Variants in AFAP1 observed in about 807,000 individuals in gnomAD.
AFAP1 encodes the protein actin filament-associated protein 1.
AFAP1 carries 75 observed loss-of-function variants against 93.9 expected under a neutral mutation model. The ratio of observed to expected loss-of-function variants is 0.80; its 90% CI spans 0.66 to 0.97. AFAP1 has a LOEUF of 0.97. Among genes scored for constraint, AFAP1 ranks in the 50% least tolerant of loss-of-function variants. The pLI is 0.00. For missense variants in AFAP1, 1,201 were observed against 1,050.8 expected (o/e 1.14, Z -1.98); for synonymous variants, 517 against 430.7 (o/e 1.20, Z -2.48).
chr4:7,919,319 C>T (rs1720306082), intron 1 of AFAP1, among the ~76,000 whole-genome samples: 1 of 152,216 alleles, frequency 6.6e-6, no homozygotes, highest in Non-Finnish European at 1.5e-5. Context: ...CGCATCACTG[C>T]AACACAGAGC....
intron 6 of AFAP1, among the ~76,000 whole-genome samples, chr4:7,824,843 T>C (rs1057214985): frequency 2.6e-5 from 4 of 152,080 alleles, no homozygotes; most frequent in African/African-American, 9.7e-5. Context: ...AAGGGTACAG[T>C]GTACATTATT....
At chr4:7,798,089 TG>T (rs1718617411) in intron 10 of AFAP1, among the ~76,000 whole-genome samples, 1 of 99,324 alleles carries the variant, frequency 1.0e-5, no homozygotes, top group South Asian at 3.2e-4. Flanking sequence ...CTCTATTGGC[TG>T]GCTCACGGCA....
intron 5 of AFAP1, among the ~76,000 whole-genome samples, chr4:7,841,937 C>T (rs1192989505): frequency 2.0e-5 from 3 of 152,060 alleles, no homozygotes; most frequent in African/African-American, 7.2e-5. Context: ...GGACTCAGAA[C>T]CCCAAACTGC....
At chr4:7,784,871 G>A (rs79075612) in intron 12 of AFAP1, among the ~76,000 whole-genome samples, 1 of 152,314 alleles carries the variant, frequency 6.6e-6, no homozygotes, top group East Asian at 1.9e-4. Context: ...AATTTACGAT[G>A]CCAGGGCTGA....
chr4:7,854,567 T>C (rs537836477), intron 4 of AFAP1, among the ~76,000 whole-genome samples: 1 of 152,308 alleles, frequency 6.6e-6, no homozygotes, highest in Admixed American at 6.5e-5. Context: ...AAAGTCTCTA[T>C]GTGGCAGGTA....
chr4:7,838,753 A>C (rs758900702), intron 5 of AFAP1, 50 bp from the exon 6 acceptor site: 29 of 1,589,228 alleles, frequency 1.8e-5, no homozygotes, highest in Non-Finnish European at 2.4e-5. Context: ...GTTCGAACAG[A>C]AACACTGAGG....
At chr4:7,909,439 C>T (rs533597988) in intron 1 of AFAP1, among the ~76,000 whole-genome samples, 4 of 152,292 alleles carry the variant, frequency 2.6e-5, no homozygotes, top group Admixed American at 1.3e-4. Context: ...TACCCAAAAT[C>T]GTTTCCTGCC....
At chr4:7,810,801 G>A (rs1397391808) in intron 8 of AFAP1, among the ~76,000 whole-genome samples, 1 of 152,192 alleles carries the variant, frequency 6.6e-6, no homozygotes, top group Non-Finnish European at 1.5e-5. Context: ...GGGCCGGTGA[G>A]GGACAACACG....
chr4:7,777,240 A>C (rs1000598152), intron 14 of AFAP1: 3 of 152,234 alleles, frequency 2.0e-5, no homozygotes, highest in Non-Finnish European at 4.4e-5. Flanking sequence ...CATTCAGGAA[A>C]TAAGATTTGC....
chr4:7,934,120 T>C (rs1721250971), intron 1 of AFAP1, among the ~76,000 whole-genome samples: 1 of 152,190 alleles, frequency 6.6e-6, no homozygotes, highest in Non-Finnish European at 1.5e-5. Flanking sequence ...ACAGAACAGA[T>C]ACAGTGAATT....
chr4:7,874,530 ATTTTTTTTTTTT>A (rs71175435), intron 1 of AFAP1, among the ~76,000 whole-genome samples: 26 of 51,508 alleles, frequency 5.0e-4, no homozygotes, highest in African/African-American at 7.7e-4. Flanking sequence ...TGCCCAGCTA[ATTTTTTTTTTTT>A]TTTTTTTTTT....
At chr4:7,821,438 G>A (rs973510473) in intron 6 of AFAP1, among the ~76,000 whole-genome samples, 2 of 152,146 alleles carry the variant, frequency 1.3e-5, no homozygotes, top group South Asian at 2.1e-4. Context: ...ACAGGATTCC[G>A]TGCACGAGGG....
At chr4:7,833,034 T>G (rs965291118) in intron 6 of AFAP1, among the ~76,000 whole-genome samples, 1 of 152,184 alleles carries the variant, frequency 6.6e-6, no homozygotes, top group Non-Finnish European at 1.5e-5. Context: ...ACCTAAGACC[T>G]GAAACTATAA....
At position 7,792,662 on chromosome 4, in the gene AFAP1, C is replaced by T. The variant is rs10008660; in HGVS notation, c.1412+1019G>A. On this transcript the variant is annotated intron_variant, in intron 11 of 17. Coordinates refer to ENST00000420658, the MANE Select transcript of AFAP1 (RefSeq NM_001134647.2). Reference sequence around the variant, plus strand: ...CTCACTTGTCTGAGCTGTTCCTCAACAGGACCACTGTCATTGGACACACCT... The same window carrying T: ...CTCACTTGTCTGAGCTGTTCCTCAATAGGACCACTGTCATTGGACACACCT... Among the ~76,000 whole-genome samples the T allele has an allele frequency of 2.8e-3, 433 of 152,270 alleles. 2 individuals are homozygous for T. Among genetic ancestry groups the T allele is most frequent in the African/African-American group, 8.3e-3 (344 of 41,548 alleles).
intron 3 of AFAP1, among the ~76,000 whole-genome samples, chr4:7,855,993 A>T (rs1423875226): frequency 6.6e-6 from 1 of 151,990 alleles, no homozygotes; most frequent in Non-Finnish European, 1.5e-5. Flanking sequence ...AGACTCTGGG[A>T]CTCCATGGCC....
intron 6 of AFAP1, among the ~76,000 whole-genome samples, chr4:7,820,057 A>G (rs1307193474): frequency 6.6e-6 from 1 of 152,238 alleles, no homozygotes; most frequent in Non-Finnish European, 1.5e-5. Context: ...ACGAAAAAGC[A>G]TAGGGAAATC....
At chr4:7,852,875 A>C (rs534562063) in intron 4 of AFAP1, among the ~76,000 whole-genome samples, 1 of 152,242 alleles carries the variant, frequency 6.6e-6, no homozygotes, top group African/African-American at 2.4e-5. Flanking sequence ...CCTTGTATGA[A>C]TATCTCGGAA....
chr4:7,933,296 C>A (rs904959219), intron 1 of AFAP1, among the ~76,000 whole-genome samples: 1 of 151,880 alleles, frequency 6.6e-6, no homozygotes. Flanking sequence ...CAGAACTGGC[C>A]GAGCACGGTG....
intron 5 of AFAP1, among the ~76,000 whole-genome samples, chr4:7,841,744 T>G (rs1204166433): frequency 6.6e-6 from 1 of 152,214 alleles, no homozygotes; most frequent in African/African-American, 2.4e-5. Context: ...GACCAAACAG[T>G]GCTTTCACCT....
Sources: allele counts gnomAD v4.1 joint callset (sites outside exome capture counted in the v4.1 genomes callset), GRCh38; gene constraint gnomAD v4.1.1; transcripts MANE v1.5; gene names NCBI Gene and HGNC (gene_info 2026-07-23, HGNC 2026-07-21).